Variants in DPP10 observed in about 807,000 individuals in gnomAD.
DPP10 encodes the protein dipeptidyl peptidase like 10.
A neutral mutation model predicts 120.9 loss-of-function variants in DPP10; 33 were observed. The ratio of observed to expected loss-of-function variants is 0.27; its 90% CI spans 0.21 to 0.37. The LOEUF (loss-of-function observed/expected upper bound fraction) is 0.37, where lower values mean the gene tolerates loss of function less well. Ranked by LOEUF, DPP10 falls within the 10% of genes least tolerant of loss-of-function variation. DPP10 has a pLI of 1.00. For synonymous variants in DPP10, 337 were observed against 326.1 expected, an observed-to-expected ratio of 1.03 and a Z score of -0.36; for missense variants, 816 against 942.8, an observed-to-expected ratio of 0.87 and a Z score of 1.76.
intron 3 of DPP10, among the ~76,000 whole-genome samples, chr2:115,422,626 T>G (rs1311591640): frequency 6.6e-6 from 1 of 152,192 alleles, no homozygotes; most frequent in Non-Finnish European, 1.5e-5. Context: ...ATAATCACAT[T>G]TTATATTTCC....
intron 1 of DPP10, among the ~76,000 whole-genome samples, chr2:114,452,666 C>T (rs1678354055): frequency 6.6e-6 from 1 of 151,946 alleles, no homozygotes; most frequent in Non-Finnish European, 1.5e-5. Flanking sequence ...TTGAAAGCAT[C>T]AGAAAATAAC....
At chr2:115,768,216 C>A in intron 12 of DPP10, 81 bp from the exon 13 acceptor site, 3 of 1,166,824 alleles carry the variant, frequency 2.6e-6, no homozygotes, top group Non-Finnish European at 3.7e-6. Context: ...TTTGGTATAA[C>A]CCATGCAGGA....
chr2:115,250,463 GA>G (rs1296580247), intron 1 of DPP10, among the ~76,000 whole-genome samples: 1 of 152,198 alleles, frequency 6.6e-6, no homozygotes. Context: ...CTGGAGAAAA[GA>G]GAGAAGATTG....
At chr2:114,495,161 T>A (rs373241261) in intron 1 of DPP10, among the ~76,000 whole-genome samples, 29 of 152,308 alleles carry the variant, frequency 1.9e-4, no homozygotes, top group East Asian at 1.2e-3. Context: ...CTATTACATG[T>A]ATGTCTTTGT....
intron 5 of DPP10, among the ~76,000 whole-genome samples, chr2:115,538,392 T>C (rs1038563621): frequency 3.3e-5 from 5 of 152,016 alleles, no homozygotes; most frequent in African/African-American, 1.2e-4. Flanking sequence ...TATTAATATT[T>C]TCATGTCTGT....
At chr2:115,176,034 A>G (rs2053663209) in intron 1 of DPP10, among the ~76,000 whole-genome samples, 1 of 152,134 alleles carries the variant, frequency 6.6e-6, no homozygotes. Context: ...CTGAGAAGTA[A>G]GGCTTTATTT....
At chr2:115,244,618 A>T (rs1193352843) in intron 1 of DPP10, among the ~76,000 whole-genome samples, 1 of 151,954 alleles carries the variant, frequency 6.6e-6, no homozygotes, top group African/African-American at 2.4e-5. Context: ...GAAGAGATAA[A>T]TAGAAAATCT....
intron 1 of DPP10, among the ~76,000 whole-genome samples, chr2:115,290,537 A>G (rs773888282): frequency 2.6e-5 from 4 of 152,156 alleles, no homozygotes; most frequent in Non-Finnish European, 4.4e-5. Flanking sequence ...TCATAATGAA[A>G]TGTTCTTTAA....
chr2:114,654,794 G>A (rs1254933352), intron 1 of DPP10, among the ~76,000 whole-genome samples: 1 of 152,058 alleles, frequency 6.6e-6, no homozygotes, highest in Non-Finnish European at 1.5e-5. Context: ...CAGCAAAGCT[G>A]GATGTAGTTA....
intron 1 of DPP10, among the ~76,000 whole-genome samples, chr2:114,457,459 C>T (rs1175005591): frequency 6.6e-6 from 1 of 152,158 alleles, no homozygotes; most frequent in East Asian, 1.9e-4. Flanking sequence ...AACTCCGGGA[C>T]TAGGAGTAGG....
At chr2:114,726,488 A>G (rs1349063214) in intron 1 of DPP10, among the ~76,000 whole-genome samples, 7 of 152,240 alleles carry the variant, frequency 4.6e-5, no homozygotes, top group Non-Finnish European at 1.0e-4. Flanking sequence ...AGCCACTGAC[A>G]AACATTTCAA....
chr2:115,659,889 T>A (rs866584379), intron 5 of DPP10, among the ~76,000 whole-genome samples: 8 of 152,198 alleles, frequency 5.3e-5, no homozygotes, highest in Admixed American at 6.5e-5. Context: ...GAGTCATTTT[T>A]AAAATTTATC....
chr2:114,724,115 T>C (rs1701887770), intron 1 of DPP10, among the ~76,000 whole-genome samples: 1 of 152,200 alleles, frequency 6.6e-6, no homozygotes, highest in Non-Finnish European at 1.5e-5. Context: ...AGAAAGTTTT[T>C]ATCTAAGAAA....
chr2:114,618,200 C>G (rs891829866), intron 1 of DPP10, among the ~76,000 whole-genome samples: 1 of 151,808 alleles, frequency 6.6e-6, no homozygotes, highest in African/African-American at 2.4e-5. Flanking sequence ...AATTGCACCA[C>G]TTTTTTTTGA....
chr2:114,523,796 C>T (rs1340718629), intron 1 of DPP10, among the ~76,000 whole-genome samples: 1 of 152,116 alleles, frequency 6.6e-6, no homozygotes, highest in African/African-American at 2.4e-5. Flanking sequence ...CAGAAATTAT[C>T]CCTCTCTCCC....
At chr2:115,551,038 A>C (rs1429824789) in intron 5 of DPP10, among the ~76,000 whole-genome samples, 3 of 152,132 alleles carry the variant, frequency 2.0e-5, no homozygotes, top group African/African-American at 4.8e-5. Flanking sequence ...AAAAATTGGA[A>C]GATCTGGCAA....
At position 115,422,618 on chromosome 2, in the gene DPP10, A is replaced by T. The variant is rs2070081329; in HGVS notation, c.272-76892A>T. ...AATAACTTGATATATTTCATTGAAT[A>T]ATCACATTTTATATTTCCAATTTAC... On this transcript the variant is annotated intron_variant, in intron 3 of 25. Coordinates refer to ENST00000410059, the MANE Select transcript of DPP10 (RefSeq NM_020868.6). Among the ~76,000 whole-genome samples the T allele has an allele frequency of 3.9e-5, 6 of 152,216 alleles. No homozygotes were observed. The South Asian group carries it at 1.2e-3, about 31-fold the overall frequency.
At chr2:114,455,716 C>T (rs1678537298) in intron 1 of DPP10, among the ~76,000 whole-genome samples, 1 of 133,208 alleles carries the variant, frequency 7.5e-6, no homozygotes, top group Non-Finnish European at 1.6e-5. Context: ...GTCTCATACC[C>T]ACAAATTCAT....
intron 1 of DPP10, among the ~76,000 whole-genome samples, chr2:114,923,376 G>T (rs542218788): frequency 3.8e-4 from 57 of 149,800 alleles, no homozygotes; most frequent in Admixed American, 1.3e-3. Context: ...TAGAGGTAGG[G>T]TTTCACCATG....
Sources: gnomAD v4.1 joint callset for allele counts (sites outside exome capture counted in the v4.1 genomes callset) on GRCh38, gnomAD v4.1.1 for gene constraint, MANE v1.5 for transcripts, NCBI Gene and HGNC (gene_info 2026-07-23, HGNC 2026-07-21) for gene names.